PCDHGB2: variants seen among roughly 807,000 people sequenced by gnomAD.
The protein encoded by PCDHGB2 is protocadherin gamma subfamily B, 2, also known as protocadherin gamma-B2.
PCDHGB2 carries 55 observed loss-of-function variants against 59.3 expected under a neutral mutation model. The ratio of observed to expected loss-of-function variants is 0.93; its 90% CI spans 0.75 to 1.16. PCDHGB2 has a LOEUF of 1.16. PCDHGB2 is among the 50% of genes most tolerant of loss of function. The pLI is 0.00. For synonymous variants in PCDHGB2, 516 were observed against 512.0 expected (o/e 1.01, Z -0.11); for missense variants, 1,228 against 1,198.5 (o/e 1.02, Z -0.36).
intron 1 of PCDHGB2, among the ~76,000 whole-genome samples, chr5:141,446,727 A>G (rs546345866): frequency 6.6e-6 from 1 of 152,258 alleles, no homozygotes; most frequent in African/African-American, 2.4e-5. Context: ...TCGGCCTCCC[A>G]AAGTGTGGGG....
At position 141,431,056 on chromosome 5, in the gene PCDHGB2, C is replaced by T; in HGVS notation, c.2422-63751C>T. ...ACCGGGAGGAGCTCTGTATGGGGGC[C>T]ATCAAGTGTCAATTAAATCTAGACA... On this transcript the variant is annotated intron_variant, in intron 1 of 3. Transcript: ENST00000522605. The surrounding 1 kb of genome is among the most constrained non-coding windows in gnomAD (Gnocchi z 4.8). 1 of 1,614,126 alleles carries T rather than the reference C, an allele frequency of 6.2e-7. No homozygotes were observed. The highest frequency in any genetic ancestry group is 8.5e-7 in the Non-Finnish European group (1 of 1,180,000).
intron 1 of PCDHGB2, chr5:141,422,396 A>G (rs767394630): frequency 6.3e-6 from 10 of 1,597,278 alleles, no homozygotes; most frequent in Non-Finnish European, 8.5e-6. Flanking sequence ...ATTCCTAACC[A>G]CCTGCCTTTT....
intron 2 of PCDHGB2, among the ~76,000 whole-genome samples, chr5:141,498,091 C>G (rs2099781521): frequency 6.6e-6 from 1 of 152,156 alleles, no homozygotes; most frequent in African/African-American, 2.4e-5. Context: ...AGAATTGTAT[C>G]TGGTGGTGTG....
At chr5:141,384,596 C>T in intron 1 of PCDHGB2, 1 of 1,614,240 alleles carries the variant, frequency 6.2e-7, no homozygotes. Context: ...CTGTACCCGG[C>T]CCTCCCCACA....
At position 141,361,013 on chromosome 5, in the gene PCDHGB2, A is replaced by G. The variant is rs185853995; in HGVS notation, c.878A>G (p.Asn293Ser). 4.3e-6 allele frequency: 7 copies of G among 1,613,268 alleles called. No individual in the cohort carries two copies. The East Asian group carries it at 1.6e-4, about 36-fold the overall frequency. The change falls in exon 1 of 4, where the codon AAC becomes AGC. Residue 293 changes from asparagine (N) to serine (S), a missense_variant. By Grantham distance (46) the Asn-to-Ser change is conservative. Transcript: ENST00000522605. ...NVDEQVKHFF[N>S]LNEKTGEITT... Reference sequence around the variant, plus strand: ...GACGAACAAGTGAAACACTTTTTCAACTTAAATGAAAAAACAGGAGAAATC... The same window carrying G: ...GACGAACAAGTGAAACACTTTTTCAGCTTAAATGAAAAAACAGGAGAAATC...
intron 1 of PCDHGB2, chr5:141,423,381 G>T (rs2154550114): frequency 6.2e-7 from 1 of 1,614,204 alleles, no homozygotes; most frequent in East Asian, 2.2e-5. Flanking sequence ...TCAGGCTGTG[G>T]CGCTGGCATA....
chr5:141,393,134 C>T (rs755308269), intron 1 of PCDHGB2: 2 of 1,613,390 alleles, frequency 1.2e-6, no homozygotes, highest in South Asian at 2.2e-5. Flanking sequence ...TAAATATTAA[C>T]ACCCTGGTTG....
chr5:141,456,098 C>A (rs1222639126), intron 1 of PCDHGB2, among the ~76,000 whole-genome samples: 1 of 151,980 alleles, frequency 6.6e-6, no homozygotes. Context: ...GGGATTTCAC[C>A]GTGTTAGCCA....
rs1408248560 is a variant in PCDHGB2 at position 141,475,829 on chromosome 5, G to C, written c.2422-18978G>C. On this transcript the variant is annotated intron_variant, in intron 1 of 3. Coordinates refer to ENST00000522605, the MANE Select transcript of PCDHGB2 (RefSeq NM_018923.3). ...AAAGTGAAGTTCCTGGCGCTAGCGC[G>C]TGTCCTGCTCAGAGAGCCCGGCGCT... The C allele has an allele frequency of 1.0e-5, 4 of 386,748 alleles. No individual in the cohort carries two copies. In the South Asian group the frequency reaches 1.4e-4, roughly 14 times the overall value. The allele number at this position is 386,748 out of a possible 1,614,324, so 24.0% of individuals were successfully genotyped here. A position where few individuals can be genotyped will look rare whatever the true frequency, so the allele number is the denominator to read the frequency against.
At chr5:141,415,347 C>G in intron 1 of PCDHGB2, 1 of 1,614,238 alleles carries the variant, frequency 6.2e-7, no homozygotes, top group South Asian at 1.1e-5. Flanking sequence ...GGCGCTGGCA[C>G]AAGTCACGCC....
At chr5:141,473,884 G>T (rs1162382168) in intron 1 of PCDHGB2, among the ~76,000 whole-genome samples, 1 of 152,162 alleles carries the variant, frequency 6.6e-6, no homozygotes, top group African/African-American at 2.4e-5. Context: ...ATACACAAGG[G>T]TTCTGTTGGT....
In PCDHGB2 at chr5:141,441,656, CT is replaced by C. The variant is rs200391207; in HGVS notation, c.2422-53149del. 8.0e-3 allele frequency: 1,976 copies of C among 247,682 alleles called. 54 individuals carry two copies. The highest frequency in any genetic ancestry group is 0.043 in the African/African-American group (1,846 of 42,486). The allele number at this position is 247,682 out of a possible 1,614,324, so 15.3% of individuals were successfully genotyped here. A position where few individuals can be genotyped will look rare whatever the true frequency, so the allele number is the denominator to read the frequency against. On this transcript the variant is annotated intron_variant, in intron 1 of 3. Coordinates refer to ENST00000522605, the MANE Select transcript of PCDHGB2 (RefSeq NM_018923.3). ...CACAGGCGCTGTGATTCTAGGTGTC[CT>C]TGAGCGCACAGTGCGCCTTCGACCA...
intron 2 of PCDHGB2, among the ~76,000 whole-genome samples, chr5:141,499,214 C>T (rs1228581603): frequency 6.6e-6 from 1 of 152,074 alleles, no homozygotes; most frequent in Non-Finnish European, 1.5e-5. Flanking sequence ...TAACCCAGGC[C>T]CTGCCCTGCA....
chr5:141,468,067 G>A (rs560511893), intron 1 of PCDHGB2, among the ~76,000 whole-genome samples: 34 of 152,032 alleles, frequency 2.2e-4, no homozygotes, highest in Non-Finnish European at 4.0e-4. Flanking sequence ...GCTCACACCT[G>A]TAATCCCAGC....
chr5:141,491,118 T>C lies in PCDHGB2; in HGVS notation c.2422-3689T>C, dbSNP rs1421005816. Reference sequence around the variant, plus strand: ...TGTTCCTCGTGTCTACACACACTGGTGAGGTGCGCACAGCCCGGGCCTTAC... The same window carrying C: ...TGTTCCTCGTGTCTACACACACTGGCGAGGTGCGCACAGCCCGGGCCTTAC... On this transcript the variant is annotated intron_variant, in intron 1 of 3. Coordinates refer to ENST00000522605, the MANE Select transcript of PCDHGB2 (RefSeq NM_018923.3). This position sits in a 1 kb window ranked among gnomAD's most constrained non-coding sequence, Gnocchi z 6.9. The C allele has an allele frequency of 1.2e-6, 2 of 1,613,926 alleles. No homozygotes were observed. Among genetic ancestry groups the C allele is most frequent in the African/African-American group, 2.7e-5 (2 of 74,890 alleles).
chr5:141,460,414 T>G (rs1289935272), intron 1 of PCDHGB2, among the ~76,000 whole-genome samples: 1 of 152,216 alleles, frequency 6.6e-6, no homozygotes, highest in Non-Finnish European at 1.5e-5. Context: ...GAGTTGATGT[T>G]TATGTATGGT....
rs1317717658 is a variant in PCDHGB2, at chr5:141,476,494, G to A, written c.2422-18313G>A. On this transcript the variant is annotated intron_variant, in intron 1 of 3. Coordinates refer to ENST00000522605, the MANE Select transcript of PCDHGB2 (RefSeq NM_018923.3). The surrounding 1 kb of genome is among the most constrained non-coding windows in gnomAD (Gnocchi z 7.6). ...TGTTCAGCGTGGAAGTGGTGATCCA[G>A]GACATCAACGACAACAATCCTGCTT... The A allele has an allele frequency of 6.2e-7, 1 of 1,614,012 alleles. No individual in the cohort carries two copies. The highest frequency in any genetic ancestry group is 8.5e-7 in the Non-Finnish European group (1 of 1,179,988).
At chr5:141,456,142 C>A (rs1258425044) in intron 1 of PCDHGB2, among the ~76,000 whole-genome samples, 1 of 152,052 alleles carries the variant, frequency 6.6e-6, no homozygotes, top group Non-Finnish European at 1.5e-5. Flanking sequence ...CCTGATCCGC[C>A]CGCCTCGGCC....
At chr5:141,401,033 C>T (rs1437899833) in intron 1 of PCDHGB2, among the ~76,000 whole-genome samples, 1 of 152,016 alleles carries the variant, frequency 6.6e-6, no homozygotes, top group Non-Finnish European at 1.5e-5. Context: ...TTTGAATCTC[C>T]TAAAATTTTA....
Sources: gnomAD v4.1 joint callset for allele counts (sites outside exome capture counted in the v4.1 genomes callset) on GRCh38, gnomAD v4.1.1 for gene constraint, Gnocchi (gnomAD v3.1) non-coding constraint, MANE v1.5 for transcripts, NCBI Gene and HGNC (gene_info 2026-07-23, HGNC 2026-07-21) for gene names.